UIMC1: variants seen among roughly 807,000 people sequenced by gnomAD.
The protein encoded by UIMC1 is BRCA1-A complex subunit RAP80.
UIMC1 carries 42 observed loss-of-function variants against 84.9 expected under a neutral mutation model. The observed-to-expected ratio is 0.49, with a 90% CI of 0.39 to 0.64. The LOEUF (loss-of-function observed/expected upper bound fraction) is 0.64. Ranked by LOEUF, UIMC1 falls within the 30% of genes least tolerant of loss-of-function variation. The pLI is 0.00. For missense variants in UIMC1, 825 were observed against 847.6 expected, an observed-to-expected ratio of 0.97 and a Z score of 0.33; for synonymous variants, 281 against 293.0, an observed-to-expected ratio of 0.96 and a Z score of 0.42.
intron 10 of UIMC1, among the ~76,000 whole-genome samples, chr5:176,920,188 AT>A (rs572540727): frequency 2.5e-4 from 37 of 147,410 alleles, no homozygotes; most frequent in South Asian, 2.2e-4. Flanking sequence ...TGCCTGGCTA[AT>A]TTTTTTTTTT....
chr5:176,949,982 G>C (rs1455427741), intron 9 of UIMC1, among the ~76,000 whole-genome samples: 1 of 151,676 alleles, frequency 6.6e-6, no homozygotes, highest in Non-Finnish European at 1.5e-5. Flanking sequence ...AAAACTCCGG[G>C]AGGTGGAGAT....
chr5:176,975,901 C>A (rs914173318), intron 2 of UIMC1, among the ~76,000 whole-genome samples: 1 of 152,008 alleles, frequency 6.6e-6, no homozygotes, highest in African/African-American at 2.4e-5. Context: ...ATGAAAAATC[C>A]TATAGAAGCA....
intron 10 of UIMC1, among the ~76,000 whole-genome samples, chr5:176,941,937 G>A (rs950566370): frequency 2.0e-5 from 3 of 151,892 alleles, no homozygotes; most frequent in Admixed American, 6.6e-5. Flanking sequence ...TCTGCCTCCC[G>A]GGTTCAAGCA....
chr5:176,939,256 CAAA>C (rs61615337), intron 10 of UIMC1, among the ~76,000 whole-genome samples: 4 of 71,888 alleles, frequency 5.6e-5, no homozygotes, highest in Non-Finnish European at 1.1e-4. Flanking sequence ...GATCCTGTCT[CAAA>C]AAAAAAAAAA....
At chr5:177,014,683 G>C (rs1752979657) in intron 1 of UIMC1, among the ~76,000 whole-genome samples, 1 of 152,054 alleles carries the variant, frequency 6.6e-6, no homozygotes, top group South Asian at 2.1e-4. Flanking sequence ...GGGTGAAAGA[G>C]CGTTAACTCC....
chr5:176,992,012 C>A lies in UIMC1; in HGVS notation c.-8-9389G>T, dbSNP rs570434672. 4.6e-5 allele frequency among the ~76,000 whole-genome samples: 7 copies of A among 152,202 alleles called. 2 individuals carry two copies. The highest frequency in any genetic ancestry group is 1.7e-4 in the African/African-American group (7 of 41,506). On this transcript the variant is annotated intron_variant, in intron 1 of 14. Transcript: ENST00000511320. ...TGGTGCACACCTATAGTCCCAGCTA[C>A]TTGAGAGGCTAAAGTGGCATGATCA...
At chr5:177,007,269 G>A (rs1372522207), upstream of UIMC1, among the ~76,000 whole-genome samples, 3 of 151,302 alleles carry the variant, frequency 2.0e-5, no homozygotes, top group Non-Finnish European at 4.4e-5. Context: ...GAATCCGGGA[G>A]GCGGAGGATG....
chr5:177,021,017 T>G (rs548858926), intron 1 of UIMC1, among the ~76,000 whole-genome samples: 5 of 152,340 alleles, frequency 3.3e-5, no homozygotes, highest in African/African-American at 1.2e-4. Context: ...AGGTGGCATG[T>G]GCCTGTAATC....
At chr5:176,982,018 T>A (rs1266904908) in intron 2 of UIMC1, among the ~76,000 whole-genome samples, 1 of 152,252 alleles carries the variant, frequency 6.6e-6, no homozygotes, top group African/African-American at 2.4e-5. Flanking sequence ...ACTAGCCTTA[T>A]GTGTCTTTAA....
At chr5:177,015,509 G>T (rs1403982653) in intron 1 of UIMC1, among the ~76,000 whole-genome samples, 2 of 152,170 alleles carry the variant, frequency 1.3e-5, no homozygotes, top group African/African-American at 4.8e-5. Context: ...CATGTAGAGT[G>T]GCTGGAATTC....
At chr5:176,989,001 A>C (rs1397414481) in intron 1 of UIMC1, among the ~76,000 whole-genome samples, 1 of 152,058 alleles carries the variant, frequency 6.6e-6, no homozygotes, top group Non-Finnish European at 1.5e-5. Flanking sequence ...ATTTTACCTC[A>C]ATTTTTTAAA....
chr5:176,971,886 G>A (rs1424302097), intron 3 of UIMC1, among the ~76,000 whole-genome samples: 2 of 151,928 alleles, frequency 1.3e-5, no homozygotes, highest in Non-Finnish European at 2.9e-5. Flanking sequence ...TCCACCCTAG[G>A]TGACAAAAGC....
In UIMC1 at chr5:176,917,089, T is replaced by C. The variant is rs974148566; in HGVS notation, c.1598-5700A>G. On this transcript the variant is annotated intron_variant, in intron 10 of 14. Coordinates refer to ENST00000511320, the MANE Select transcript of UIMC1 (RefSeq NM_001199298.2). Reference sequence around the variant, plus strand: ...ACCTCAAAACCACCTCAGTAGAAAATAATGGGAAGCCACAGAGTTGTGTCT... The same window carrying C: ...ACCTCAAAACCACCTCAGTAGAAAACAATGGGAAGCCACAGAGTTGTGTCT... Among the ~76,000 whole-genome samples the C allele has an allele frequency of 8.5e-5, 13 of 152,078 alleles. No individual in the cohort carries two copies. The East Asian group carries it at 2.3e-3, about 27-fold the overall frequency.
At chr5:176,935,235 A>T (rs192080725) in intron 10 of UIMC1, among the ~76,000 whole-genome samples, 6 of 152,306 alleles carry the variant, frequency 3.9e-5, no homozygotes. Flanking sequence ...CATAATGCCC[A>T]CACTATAACT....
intron 1 of UIMC1, among the ~76,000 whole-genome samples, chr5:176,984,979 A>G (rs1173703635): frequency 3.3e-5 from 5 of 152,150 alleles, no homozygotes; most frequent in African/African-American, 1.2e-4. Context: ...ACCTCTGCCT[A>G]GGAAAACCAG....
chr5:176,905,360 G>T lies in UIMC1; in HGVS notation c.2082C>A (p.Asp694Glu). ...GCTGGACAGTAACTTGCTTTTTAAA[G>T]TCCACTAAGCAATCTGTGGCTTCTG... ...SISEATDCLV[D>E]FKKQVTVQPG... The change falls in exon 15 of 15, where the codon GAC becomes GAA. Residue 694 changes from aspartate (D) to glutamate (E), a missense_variant. Asp to Glu is a conservative substitution (Grantham distance 45, BLOSUM62 2). Transcript: ENST00000511320. 1 of 1,614,148 alleles carries T rather than the reference G, an allele frequency of 6.2e-7. No homozygotes were observed. Among genetic ancestry groups the T allele is most frequent in the Non-Finnish European group, 8.5e-7 (1 of 1,180,004 alleles).
chr5:176,958,558 G>C (rs1449042620), intron 6 of UIMC1, among the ~76,000 whole-genome samples: 1 of 152,182 alleles, frequency 6.6e-6, no homozygotes, highest in Non-Finnish European at 1.5e-5. Context: ...CAAAAAGTTT[G>C]CATGGGGGAA....
At chr5:176,987,507 G>A (rs1772206990) in intron 1 of UIMC1, among the ~76,000 whole-genome samples, 1 of 151,816 alleles carries the variant, frequency 6.6e-6, no homozygotes, top group Non-Finnish European at 1.5e-5. Flanking sequence ...AAAAAAACTA[G>A]CCAGGCATGG....
chr5:176,987,881 A>G (rs900038030), intron 1 of UIMC1, among the ~76,000 whole-genome samples: 1 of 151,772 alleles, frequency 6.6e-6, no homozygotes, highest in African/African-American at 2.4e-5. Flanking sequence ...TGTAATCCCA[A>G]AACTCTGAGA....
Sources: gnomAD v4.1 joint callset for allele counts (sites outside exome capture counted in the v4.1 genomes callset) on GRCh38, gnomAD v4.1.1 for gene constraint, MANE v1.5 for transcripts, NCBI Gene and HGNC (gene_info 2026-07-23, HGNC 2026-07-21) for gene names.